Variants in LLGL2 observed in about 807,000 individuals in gnomAD.
The protein encoded by LLGL2 is LLGL scribble cell polarity complex component 2, also known as LLGL2, scribble cell polarity complex component.
LLGL2 carries 81 observed loss-of-function variants against 123.2 expected under a neutral mutation model. The ratio of observed to expected loss-of-function variants is 0.66; its 90% CI spans 0.55 to 0.79. The LOEUF (loss-of-function observed/expected upper bound fraction) is 0.79. LLGL2 is among the 30% of genes least tolerant of loss of function. The pLI is 0.00. For missense variants in LLGL2, 1,273 were observed against 1,414.6 expected, an observed-to-expected ratio of 0.90 and a Z score of 1.61; for synonymous variants, 577 against 594.1, an observed-to-expected ratio of 0.97 and a Z score of 0.42.
Position 75,549,192 on chromosome 17 carries a change from GGACA to G in LLGL2, c.75+5700_75+5703del, listed in dbSNP as rs145502124. On this transcript the variant is annotated intron_variant, in intron 2 of 25. Coordinates refer to ENST00000392550, the MANE Select transcript of LLGL2 (RefSeq NM_001031803.2). The surrounding 1 kb of genome is among the most constrained non-coding windows in gnomAD (Gnocchi z 4.0). ...GGGCCGTCAAGCCTATTGGAGGGAT[GGACA>G]GACAGACAAGTCAGCTGCAGCACCA... 8.8e-3 allele frequency among the ~76,000 whole-genome samples: 1,334 copies of G among 152,242 alleles called. 50 individuals carry two copies. The highest frequency in any genetic ancestry group is 0.062 in the East Asian group (321 of 5,172).
intron 10 of LLGL2, among the ~76,000 whole-genome samples, chr17:75,567,188 A>AG (rs1360495582): frequency 2.0e-5 from 3 of 152,186 alleles, no homozygotes; most frequent in African/African-American, 7.2e-5. Context: ...AGCGTCAGCC[A>AG]GGGGCAGTGG....
chr17:75,546,856 G>A (rs534915353), intron 2 of LLGL2, among the ~76,000 whole-genome samples: 1 of 150,254 alleles, frequency 6.7e-6, no homozygotes, highest in Non-Finnish European at 1.5e-5. Context: ...GCAGACAGGC[G>A]GAGGGCAGGT....
rs746580615 is a variant in LLGL2, at chr17:75,559,314, A to G, written c.434A>G (p.Tyr145Cys). 9.3e-6 allele frequency: 15 copies of G among 1,613,302 alleles called. No individual in the cohort carries two copies. The highest frequency in any genetic ancestry group is 6.7e-5 in the African/African-American group (5 of 74,882). The change falls in exon 6 of 26, where the codon TAC (tyrosine) becomes TGC (cysteine). Residue 145 changes from tyrosine (Y) to cysteine (C), a missense_variant. Tyr to Cys is a radical substitution (Grantham distance 194, BLOSUM62 -2). Coordinates refer to ENST00000392550, the MANE Select transcript of LLGL2 (RefSeq NM_001031803.2). The surrounding 1 kb of genome is among the most constrained non-coding windows in gnomAD (Gnocchi z 4.6). ...VLPHSSCELLYLGTESGNVFV... is the reference protein window; with the variant it reads ...VLPHSSCELLCLGTESGNVFV... Reference sequence around the variant, plus strand: ...CCACATTCCTCCTGCGAGCTGCTCTACCTGGGCACCGAGAGTGGCAACGTG... The same window carrying G: ...CCACATTCCTCCTGCGAGCTGCTCTGCCTGGGCACCGAGAGTGGCAACGTG...
intron 3 of LLGL2, among the ~76,000 whole-genome samples, chr17:75,557,348 C>G (rs578055504): frequency 1.3e-5 from 2 of 152,220 alleles, no homozygotes; most frequent in Non-Finnish European, 2.9e-5. Flanking sequence ...GGAGAGGGCT[C>G]TGCCTGGCAG....
At chr17:75,535,640 C>A (rs2053972707) in intron 1 of LLGL2, among the ~76,000 whole-genome samples, 1 of 152,218 alleles carries the variant, frequency 6.6e-6, no homozygotes. Context: ...CTGGGGATCC[C>A]CTCTCCTCCG....
rs547899583 is a variant in LLGL2, at chr17:75,572,104, G to A, written c.2460+40G>A. On this transcript the variant is annotated intron_variant, in intron 19 of 25. Coordinates refer to ENST00000392550, the MANE Select transcript of LLGL2 (RefSeq NM_001031803.2). ...GCGGCGGGTCTCCCTGGGACTCCCCGGGACATCCAGGAGGCTCGGACCTTG... is the reference window on the plus strand; with the variant it reads ...GCGGCGGGTCTCCCTGGGACTCCCCAGGACATCCAGGAGGCTCGGACCTTG... 4.5e-5 allele frequency: 71 copies of A among 1,585,988 alleles called. No homozygotes were observed. In the African/African-American group the frequency reaches 4.8e-4, roughly 11 times the overall value.
rs71361686 is a variant in LLGL2 at position 75,560,837 on chromosome 17, G to GAA, written c.530+1432_530+1433dup. Among the ~76,000 whole-genome samples the GAA allele has an allele frequency of 2.3e-3, 267 of 114,872 alleles. 10 individuals carry two copies. Among genetic ancestry groups the GAA allele is most frequent in the Middle Eastern group, 0.015 (3 of 202 alleles). The allele number at this position is 114,872 out of a possible 152,430, so 75.4% of individuals were successfully genotyped here. On this transcript the variant is annotated intron_variant, in intron 6 of 25. Coordinates refer to ENST00000392550, the MANE Select transcript of LLGL2 (RefSeq NM_001031803.2). ...AAAAAAAAAAAAAAAAAAAAACAAA[G>GAA]AAAAAACATTTTTTTTGAGAGAGTC...
At chr17:75,536,444 C>T (rs2054004094) in intron 1 of LLGL2, among the ~76,000 whole-genome samples, 1 of 152,206 alleles carries the variant, frequency 6.6e-6, no homozygotes, top group African/African-American at 2.4e-5. Context: ...CAAGGTTGCA[C>T]AGCTAGTCCC....
rs143687998 is a variant in LLGL2 at position 75,547,143 on chromosome 17, G to A, written c.75+3642G>A. ...ACTCCTTTATACCCACACCAAGCCC[G>A]ATGCCTCAAAGAGAGCAAGGACATC... On this transcript the variant is annotated intron_variant, in intron 2 of 25. Transcript: ENST00000392550. Among the ~76,000 whole-genome samples, 555 of 152,330 alleles carry A rather than the reference G, an allele frequency of 3.6e-3. 5 individuals are homozygous for A. Among genetic ancestry groups the A allele is most frequent in the African/African-American group, 0.012 (516 of 41,574 alleles).
intron 2 of LLGL2, 64 bp from the exon 3 acceptor site, chr17:75,555,982 C>T (rs1035084075): frequency 3.2e-5 from 43 of 1,326,102 alleles, no homozygotes; most frequent in East Asian, 1.9e-4. Context: ...GCTGCAGCTG[C>T]AGCAGCCATG....
intron 19 of LLGL2, 57 bp downstream of exon 19, chr17:75,572,121 C>G: frequency 6.5e-7 from 1 of 1,547,502 alleles, no homozygotes; most frequent in Non-Finnish European, 8.8e-7. Context: ...CCAGGAGGCT[C>G]GGACCTTGGG....
At position 75,541,715 on chromosome 17, in the gene LLGL2, C is replaced by CTTTTTTTTTTTTTTTTTTT. The variant is rs56656168; in HGVS notation, c.-30-1669_-30-1651dup. On this transcript the variant is annotated intron_variant, in intron 1 of 25. Coordinates refer to ENST00000392550, the MANE Select transcript of LLGL2 (RefSeq NM_001031803.2). ...TTCACTCAAGGGGGATGTGGCTCTG[C>CTTTTTTTTTTTTTTTTTTT]TTTTTTTTTTTTTTTTTTTTTTTTT... Among the ~76,000 whole-genome samples the CTTTTTTTTTTTTTTTTTTT allele has an allele frequency of 6.3e-5, 2 of 31,544 alleles. 1 individual carries two copies. The allele number at this position is 31,544 out of a possible 152,430, so 20.7% of individuals were successfully genotyped here. A position where few individuals can be genotyped will look rare whatever the true frequency, so the allele number is the denominator to read the frequency against.
chr17:75,573,314 G>A (rs775603732), intron 20 of LLGL2, 36 bp downstream of exon 20: 13 of 1,576,230 alleles, frequency 8.2e-6, no homozygotes, highest in Admixed American at 1.7e-5. Context: ...TCGGGGCCCC[G>A]GGCACTGCAC....
chr17:75,570,468 G>A lies in LLGL2; in HGVS notation c.1995G>A (p.Arg665=), dbSNP rs750103273. The A allele has an allele frequency of 2.3e-5, 36 of 1,588,162 alleles. No individual in the cohort carries two copies. The highest frequency in any genetic ancestry group is 1.8e-4 in the Middle Eastern group (1 of 5,676). ...TGCGTCGGAGCCGGGTGTCCAGCCG[G>A]AAGCGGCACCCGGCTGGCCCCCCAG... ...RRMRRSRVSS[R]KRHPAGPPGE... Residue 665 remains arginine (R), a synonymous_variant, in exon 16 of 26, where the codon CGG becomes CGA. Coordinates refer to ENST00000392550, the MANE Select transcript of LLGL2 (RefSeq NM_001031803.2).
At chr17:75,527,872 C>G (rs80282125) in intron 1 of LLGL2, among the ~76,000 whole-genome samples, 2 of 151,086 alleles carry the variant, frequency 1.3e-5, no homozygotes, top group Non-Finnish European at 2.9e-5. Context: ...ACTGCAGACT[C>G]GACCTCCCAG....
chr17:75,543,603 G>A, intron 2 of LLGL2, 102 bp downstream of exon 2: 1 of 823,136 alleles, frequency 1.2e-6, no homozygotes, highest in Non-Finnish European at 1.9e-6. Context: ...TAGCTCTTAT[G>A]TGACTGCCTG....
At chr17:75,568,751 C>T (rs1315141951) in intron 11 of LLGL2, 21 bp from the exon 12 acceptor site, 2 of 1,610,778 alleles carry the variant, frequency 1.2e-6, no homozygotes, top group Non-Finnish European at 1.7e-6. Flanking sequence ...CTCCCATGGA[C>T]TTCTTGGTCT....
At chr17:75,571,177 G>A in intron 17 of LLGL2, 77 bp downstream of exon 17, 3 of 1,373,924 alleles carry the variant, frequency 2.2e-6, no homozygotes, top group Non-Finnish European at 3.0e-6. Flanking sequence ...CATGCCGGGG[G>A]CTGCTGCCTG....
chr17:75,568,912 C>T lies in LLGL2; in HGVS notation c.1323-66C>T, dbSNP rs756904219. The T allele has an allele frequency of 1.9e-5, 30 of 1,572,286 alleles. No homozygotes were observed. The Middle Eastern group carries it at 1.2e-3, about 62-fold the overall frequency. On this transcript the variant is annotated intron_variant, in intron 12 of 25. Transcript: ENST00000392550. The stretch of plus-strand genomic sequence containing the variant: ...GGTGGGAGCAGAGCCCTGAGGTGGA[C>T]GAGCCAGCCCCTGGGCATCCCGGCT...
Sources: allele counts gnomAD v4.1 joint callset (sites outside exome capture counted in the v4.1 genomes callset), GRCh38; gene constraint gnomAD v4.1.1; non-coding constraint Gnocchi (gnomAD v3.1); transcripts MANE v1.5; gene names NCBI Gene and HGNC (gene_info 2026-07-23, HGNC 2026-07-21).